The following PLEKHD1 variants were observed in gnomAD, a reference collection of about 807,000 sequenced individuals.
PLEKHD1 encodes pleckstrin homology domain-containing family D member 1.
In PLEKHD1, 51 loss-of-function variants were observed where a neutral mutation model predicts 69.2. The observed-to-expected ratio is 0.74, with a 90% CI of 0.59 to 0.93. PLEKHD1 has a LOEUF of 0.93. PLEKHD1 is among the 40% of genes least tolerant of loss of function. The pLI is 0.00. For missense variants in PLEKHD1, 584 were observed against 641.0 expected (o/e 0.91, Z 0.96); for synonymous variants, 236 against 244.7 (o/e 0.96, Z 0.33).
At chr14:69,486,915 G>C (rs1882666294) in intron 1 of PLEKHD1, among the ~76,000 whole-genome samples, 1 of 152,156 alleles carries the variant, frequency 6.6e-6, no homozygotes, top group Admixed American at 6.5e-5. Flanking sequence ...CCCCCACCCA[G>C]AGACTCCATC....
chr14:69,513,151 G>T (rs1396402085), intron 6 of PLEKHD1, among the ~76,000 whole-genome samples: 1 of 151,776 alleles, frequency 6.6e-6, no homozygotes, highest in South Asian at 2.1e-4. Context: ...CCCAGGAGGC[G>T]GAAGTTGCAG....
upstream of PLEKHD1, among the ~76,000 whole-genome samples, chr14:69,480,378 C>T (rs1003209327): frequency 3.9e-5 from 6 of 152,312 alleles, no homozygotes; most frequent in East Asian, 7.7e-4. Flanking sequence ...AAGCCAGAGT[C>T]GCAGCATTCC....
intron 4 of PLEKHD1, 100 bp downstream of exon 4, chr14:69,501,047 C>G: frequency 1.6e-6 from 2 of 1,235,208 alleles, no homozygotes; most frequent in Non-Finnish European, 2.3e-6. Context: ...CTGGTGGGCA[C>G]AGGGCCAGGG....
upstream of PLEKHD1, among the ~76,000 whole-genome samples, chr14:69,479,843 C>G (rs970868419): frequency 3.9e-5 from 6 of 152,078 alleles, no homozygotes; most frequent in East Asian, 5.8e-4. Flanking sequence ...CTTTCACATA[C>G]GTTCCCAACC....
chr14:69,531,206 A>G lies in PLEKHD1; in HGVS notation c.*2787A>G, dbSNP rs924209928. On this transcript the variant is annotated 3_prime_UTR_variant, in exon 13 of 13. Transcript: ENST00000322564. ...TTTTAATCCTGCAAACTACTGGGATAGTAATTAAATTTCAGTGTGAGTTTG... is the reference window on the plus strand; with the variant it reads ...TTTTAATCCTGCAAACTACTGGGATGGTAATTAAATTTCAGTGTGAGTTTG... 6.6e-6 allele frequency: 1 copy of G among 152,326 alleles called. No homozygotes were observed. The highest frequency in any genetic ancestry group is 2.4e-5 in the African/African-American group (1 of 41,442). 9.4% of individuals were successfully genotyped at this position (152,326 alleles called of 1,614,324 possible).
At chr14:69,524,460 G>A in intron 8 of PLEKHD1, 138 bp downstream of exon 8, 1 of 726,996 alleles carries the variant, frequency 1.4e-6, no homozygotes, top group Non-Finnish European at 2.3e-6. Flanking sequence ...GATCTAAAGG[G>A]TCTCTTCTCT....
intron 6 of PLEKHD1, among the ~76,000 whole-genome samples, chr14:69,517,886 A>G (rs1365005420): frequency 6.6e-6 from 1 of 152,136 alleles, no homozygotes; most frequent in Non-Finnish European, 1.5e-5. Flanking sequence ...ACATAGAACC[A>G]TGTCCCTGTC....
In PLEKHD1 at chr14:69,519,844, C is replaced by T. The variant is rs190253277; in HGVS notation, c.556-2439C>T. The stretch of plus-strand genomic sequence containing the variant: ...GGGTCCAGGGTGATCATTTGTGAAG[C>T]GGCAGAGGCCCCAGACCTGTAAAAG... On this transcript the variant is annotated intron_variant, in intron 6 of 12. Transcript: ENST00000322564. Among the ~76,000 whole-genome samples the T allele has an allele frequency of 4.9e-4, 75 of 152,202 alleles. 1 individual carries two copies. In the East Asian group the frequency reaches 6.0e-3, roughly 12 times the overall value.
chr14:69,506,497 A>G (rs1032341637), intron 6 of PLEKHD1, among the ~76,000 whole-genome samples: 1 of 152,226 alleles, frequency 6.6e-6, no homozygotes, highest in Non-Finnish European at 1.5e-5. Context: ...GCTTCCTTTA[A>G]GAAACATACA....
Position 69,495,784 on chromosome 14 carries a change from G to A in PLEKHD1, c.150-4331G>A, listed in dbSNP as rs372733253. Among the ~76,000 whole-genome samples, 12 of 152,272 alleles carry A rather than the reference G, an allele frequency of 7.9e-5. No homozygotes were observed. The East Asian group carries it at 1.5e-3, about 20-fold the overall frequency. On this transcript the variant is annotated intron_variant, in intron 1 of 12. Transcript: ENST00000322564. Reference sequence around the variant, plus strand: ...TCCTCAAAGATTACCTTCTTAACTAGGCTGTCCCTGCCCACCCTCTTTGAC... The same window carrying A: ...TCCTCAAAGATTACCTTCTTAACTAAGCTGTCCCTGCCCACCCTCTTTGAC...
At chr14:69,491,599 C>T (rs972845538) in intron 1 of PLEKHD1, among the ~76,000 whole-genome samples, 6 of 152,248 alleles carry the variant, frequency 3.9e-5, no homozygotes, top group Admixed American at 6.5e-5. Flanking sequence ...CCTGAGTGGA[C>T]AGAGACTGGA....
At position 69,524,261 on chromosome 14, in the gene PLEKHD1, G is replaced by T. The variant is rs551176366; in HGVS notation, c.683G>T (p.Gly228Val). 1.4e-4 allele frequency: 211 copies of T among 1,551,640 alleles called. No homozygotes were observed. The South Asian group carries it at 2.3e-3, about 17-fold the overall frequency. The change falls in exon 8 of 13, where the codon GGT (glycine) becomes GTT (valine). Residue 228 changes from glycine (G) to valine (V), a missense_variant. Gly to Val is a moderately radical substitution (Grantham distance 109). Coordinates refer to ENST00000322564, the MANE Select transcript of PLEKHD1 (RefSeq NM_001161498.2). ...GAACTGACTGCAAGATGCCTTAAGG[G>T]TGTAGAACAAGAGAAAAAGGAACTG... ...ELELTARCLK[G>V]VEQEKKELRH...
Position 69,528,464 on chromosome 14 carries a change from G to T in PLEKHD1, c.*45G>T. The T allele has an allele frequency of 1.3e-6, 2 of 1,533,248 alleles. No homozygotes were observed. Among genetic ancestry groups the T allele is most frequent in the Non-Finnish European group, 1.8e-6 (2 of 1,139,124 alleles). 95.0% of individuals were successfully genotyped at this position (1,533,248 alleles called of 1,614,324 possible). ...TCCCAAGTCTCCCCTGGATGGGCGGGGGAGGGGAAGGGGTGGCAGAGGGAG... is the reference window on the plus strand; with the variant it reads ...TCCCAAGTCTCCCCTGGATGGGCGGTGGAGGGGAAGGGGTGGCAGAGGGAG... On this transcript the variant is annotated 3_prime_UTR_variant, in exon 13 of 13. Transcript: ENST00000322564.
intron 6 of PLEKHD1, among the ~76,000 whole-genome samples, chr14:69,518,227 A>G (rs1883430159): frequency 6.6e-6 from 1 of 151,890 alleles, no homozygotes; most frequent in African/African-American, 2.4e-5. Flanking sequence ...TTTTTAGTAG[A>G]GATGGGGTTT....
intron 6 of PLEKHD1, among the ~76,000 whole-genome samples, chr14:69,508,034 G>T (rs999103652): frequency 2.0e-5 from 3 of 152,180 alleles, no homozygotes; most frequent in Non-Finnish European, 2.9e-5. Flanking sequence ...GTAGCTCGTT[G>T]TTATTTTAAT....
At chr14:69,504,688 A>G (rs1883112515) in intron 6 of PLEKHD1, among the ~76,000 whole-genome samples, 1 of 152,228 alleles carries the variant, frequency 6.6e-6, no homozygotes. Flanking sequence ...GCTGGACTTC[A>G]GAATCATTTC....
rs796378470 is a variant in PLEKHD1 at position 69,492,596 on chromosome 14, T to A, written c.149+7482T>A. 5.3e-5 allele frequency among the ~76,000 whole-genome samples: 8 copies of A among 152,316 alleles called. 1 individual carries two copies. The highest frequency in any genetic ancestry group is 1.7e-4 in the African/African-American group (7 of 41,562). On this transcript the variant is annotated intron_variant, in intron 1 of 12. Transcript: ENST00000322564. ...TCCTCTTGATGCTTTACAACTATCC[T>A]AGCTCCCCCATTCCCAGCTATGTGA...
intron 1 of PLEKHD1, among the ~76,000 whole-genome samples, chr14:69,494,073 T>A (rs1339457564): frequency 6.6e-6 from 1 of 151,842 alleles, no homozygotes; most frequent in Admixed American, 6.6e-5. Context: ...CAGGGGAGAG[T>A]GCAGCTTATT....
chr14:69,509,785 A>G (rs1417950993), intron 6 of PLEKHD1, among the ~76,000 whole-genome samples: 2 of 152,102 alleles, frequency 1.3e-5, no homozygotes, highest in Non-Finnish European at 2.9e-5. Context: ...TAAAAATACA[A>G]AAATTAGCCA....
Sources: allele counts gnomAD v4.1 joint callset (sites outside exome capture counted in the v4.1 genomes callset), GRCh38; gene constraint gnomAD v4.1.1; transcripts MANE v1.5; gene names NCBI Gene and HGNC (gene_info 2026-07-23, HGNC 2026-07-21).